The following NPAS3 variants were observed in gnomAD, a reference collection of about 807,000 sequenced individuals.
NPAS3 encodes the protein neuronal PAS domain protein 3.
Under a neutral mutation model 73.1 loss-of-function variants are expected in NPAS3, and 14 were observed. The ratio of observed to expected loss-of-function variants is 0.19; its 90% CI spans 0.13 to 0.30. The LOEUF (loss-of-function observed/expected upper bound fraction) is 0.30, where lower values mean the gene tolerates loss of function less well. Among genes scored for constraint, NPAS3 ranks in the 10% least tolerant of loss-of-function variants. The pLI, the probability that NPAS3 is intolerant of heterozygous loss-of-function variation, is 1.00. For missense variants in NPAS3, 1,096 were observed against 1,250.0 expected, an observed-to-expected ratio of 0.88 and a Z score of 1.86; for synonymous variants, 620 against 541.5, an observed-to-expected ratio of 1.14 and a Z score of -2.01.
chr14:33,624,966 G>A (rs1432683500), intron 5 of NPAS3, among the ~76,000 whole-genome samples: 1 of 152,066 alleles, frequency 6.6e-6, no homozygotes, highest in Non-Finnish European at 1.5e-5. Flanking sequence ...TACCTATGAG[G>A]TATTATATTA....
At position 33,750,136 on chromosome 14, in the gene NPAS3, CCATT is replaced by C. The variant is rs1233939815; in HGVS notation, c.852+14807_852+14810del. Among the ~76,000 whole-genome samples, 5 of 151,842 alleles carry C rather than the reference CCATT, an allele frequency of 3.3e-5. No individual in the cohort carries two copies. The East Asian group carries it at 9.7e-4, about 29-fold the overall frequency. On this transcript the variant is annotated intron_variant, in intron 7 of 11. Transcript: ENST00000356141. ...ACAGCTGTGATATTGCAGAGTGACT[CCATT>C]CAAAGTACCAAACAGTGAGGCGTTG...
intron 1 of NPAS3, among the ~76,000 whole-genome samples, chr14:33,019,080 C>T (rs1441497261): frequency 6.6e-6 from 1 of 152,046 alleles, no homozygotes; most frequent in Non-Finnish European, 1.5e-5. Context: ...ATTATCTTGC[C>T]CAGATTCATA....
chr14:33,274,202 C>T (rs1320882338), intron 3 of NPAS3, among the ~76,000 whole-genome samples: 1 of 152,150 alleles, frequency 6.6e-6, no homozygotes, highest in Non-Finnish European at 1.5e-5. Flanking sequence ...CAGTTGGCTG[C>T]CTTTGGCCAA....
intron 2 of NPAS3, among the ~76,000 whole-genome samples, chr14:33,201,644 A>G (rs528468053): frequency 2.6e-5 from 4 of 152,364 alleles, no homozygotes; most frequent in Non-Finnish European, 5.9e-5. Flanking sequence ...GTCAAGGATC[A>G]TGTTGAGCTC....
At chr14:33,223,927 G>A (rs1027625202) in intron 3 of NPAS3, among the ~76,000 whole-genome samples, 1 of 152,018 alleles carries the variant, frequency 6.6e-6, no homozygotes, top group African/African-American at 2.4e-5. Context: ...AGCACATAAT[G>A]AAGTTTTAAA....
intron 3 of NPAS3, among the ~76,000 whole-genome samples, chr14:33,317,748 G>A (rs2043268314): frequency 6.6e-6 from 1 of 152,012 alleles, no homozygotes; most frequent in Non-Finnish European, 1.5e-5. Flanking sequence ...TAAACTGTGA[G>A]TCAATTAAAC....
chr14:33,228,114 C>T (rs554273849), intron 3 of NPAS3, among the ~76,000 whole-genome samples: 6 of 152,172 alleles, frequency 3.9e-5, no homozygotes, highest in Middle Eastern at 6.8e-3. Context: ...TTAGGATTCC[C>T]GTTTGTGATT....
chr14:33,532,248 T>C (rs894626507), intron 4 of NPAS3, among the ~76,000 whole-genome samples: 3 of 152,180 alleles, frequency 2.0e-5, no homozygotes, highest in African/African-American at 4.8e-5. Flanking sequence ...TTCCGTCCTT[T>C]TTAAAGTTCA....
intron 6 of NPAS3, among the ~76,000 whole-genome samples, chr14:33,689,708 C>A (rs2060182661): frequency 6.6e-6 from 1 of 152,178 alleles, no homozygotes; most frequent in Non-Finnish European, 1.5e-5. Flanking sequence ...ATTTACCTCT[C>A]CCTAACCTCT....
intron 1 of NPAS3, among the ~76,000 whole-genome samples, chr14:33,038,180 G>A (rs945578053): frequency 6.6e-5 from 10 of 152,186 alleles, no homozygotes; most frequent in Non-Finnish European, 1.2e-4. Flanking sequence ...GGGAATAAAT[G>A]AAATGATTTT....
chr14:33,665,556 T>C (rs952333313), intron 5 of NPAS3, among the ~76,000 whole-genome samples: 7 of 152,194 alleles, frequency 4.6e-5, no homozygotes, highest in Admixed American at 1.3e-4. Flanking sequence ...CTTGAGGGAA[T>C]TGAAACCCCA....
chr14:33,066,907 T>A (rs2041300302), intron 2 of NPAS3, among the ~76,000 whole-genome samples: 1 of 152,222 alleles, frequency 6.6e-6, no homozygotes, highest in South Asian at 2.1e-4. Flanking sequence ...TTGATACGGC[T>A]GAAATCCGGA....
chr14:33,192,114 T>C lies in NPAS3; in HGVS notation c.141-23068T>C, dbSNP rs115207999. Among the ~76,000 whole-genome samples the C allele has an allele frequency of 2.0e-3, 311 of 152,330 alleles. 1 individual carries two copies. Among genetic ancestry groups the C allele is most frequent in the African/African-American group, 7.3e-3 (302 of 41,570 alleles). ...CTTTGTAGTCAGATACTTTTGGACA[T>C]TGAACTCTGGCTCTGAAGTGACTAG... On this transcript the variant is annotated intron_variant, in intron 2 of 11. Coordinates refer to ENST00000356141, the Ensembl canonical transcript of NPAS3.
intron 1 of NPAS3, among the ~76,000 whole-genome samples, chr14:33,017,617 G>C (rs1343848207): frequency 6.6e-6 from 1 of 152,166 alleles, no homozygotes; most frequent in Non-Finnish European, 1.5e-5. Context: ...AAGAGGACTG[G>C]TCATTGATGG....
At chr14:33,308,515 T>TAA (rs1232407815) in intron 3 of NPAS3, among the ~76,000 whole-genome samples, 1 of 48,110 alleles carries the variant, frequency 2.1e-5, no homozygotes, top group East Asian at 4.2e-4. Flanking sequence ...ATAGTTTATA[T>TAA]ATATATATAT....
At chr14:32,964,630 C>T (rs1255793456) in intron 1 of NPAS3, among the ~76,000 whole-genome samples, 1 of 152,016 alleles carries the variant, frequency 6.6e-6, no homozygotes, top group African/African-American at 2.4e-5. Context: ...ATATATTCTG[C>T]CAGAGAAAGG....
At chr14:33,485,631 A>T (rs907811119) in intron 4 of NPAS3, among the ~76,000 whole-genome samples, 2 of 152,150 alleles carry the variant, frequency 1.3e-5, no homozygotes, top group African/African-American at 4.8e-5. Context: ...CTCCTAATCA[A>T]CATATTTTAA....
chr14:33,795,978 TG>T (rs2063500708), intron 10 of NPAS3, among the ~76,000 whole-genome samples: 1 of 152,112 alleles, frequency 6.6e-6, no homozygotes, highest in African/African-American at 2.4e-5. Context: ...GACTGTAAAT[TG>T]TAGGGCAAGT....
At chr14:33,669,467 G>T (rs1397370654) in intron 5 of NPAS3, among the ~76,000 whole-genome samples, 1 of 152,252 alleles carries the variant, frequency 6.6e-6, no homozygotes, top group Admixed American at 6.5e-5. Flanking sequence ...TTTAACTGAT[G>T]TCTCTTAAGG....
Sources: gnomAD v4.1 joint callset for allele counts (sites outside exome capture counted in the v4.1 genomes callset) on GRCh38, gnomAD v4.1.1 for gene constraint, MANE v1.5 for transcripts, NCBI Gene and HGNC (gene_info 2026-07-23, HGNC 2026-07-21) for gene names.